Variants in NPR3 observed in about 807,000 individuals in gnomAD.
NPR3 encodes the protein atrial natriuretic peptide receptor 3.
Under a neutral mutation model 54.5 loss-of-function variants are expected in NPR3, and 34 were observed. The observed-to-expected ratio is 0.62, with a 90% CI of 0.47 to 0.83. NPR3 has a LOEUF of 0.83. Ranked by LOEUF, NPR3 falls within the 40% of genes least tolerant of loss-of-function variation. The pLI, the probability that NPR3 is intolerant of heterozygous loss-of-function variation, is 0.00. For missense variants in NPR3, 674 were observed against 720.8 expected, an observed-to-expected ratio of 0.94 and a Z score of 0.74; for synonymous variants, 289 against 297.1, an observed-to-expected ratio of 0.97 and a Z score of 0.28.
At chr5:32,743,286 C>T (rs913369634) in intron 3 of NPR3, among the ~76,000 whole-genome samples, 1 of 152,106 alleles carries the variant, frequency 6.6e-6, no homozygotes, top group Non-Finnish European at 1.5e-5. Flanking sequence ...CCCAGTTTCC[C>T]GCAATGGTAA....
At chr5:32,770,152 C>T (rs1025823338) in intron 3 of NPR3, among the ~76,000 whole-genome samples, 8 of 152,212 alleles carry the variant, frequency 5.3e-5, no homozygotes, top group Non-Finnish European at 1.0e-4. Context: ...AGATGACAGG[C>T]CTGGTACAGT....
intron 1 of NPR3, among the ~76,000 whole-genome samples, chr5:32,700,337 C>T (rs1311644706): frequency 2.6e-5 from 4 of 152,104 alleles, no homozygotes; most frequent in African/African-American, 9.7e-5. Flanking sequence ...CTTGAATTTG[C>T]CCCTCTAAGG....
At chr5:32,692,766 G>A (rs1463805368) in intron 1 of NPR3, among the ~76,000 whole-genome samples, 1 of 152,116 alleles carries the variant, frequency 6.6e-6, no homozygotes, top group Non-Finnish European at 1.5e-5. Context: ...CATAATAAAA[G>A]GGAACACACT....
intron 6 of NPR3, among the ~76,000 whole-genome samples, chr5:32,784,283 G>A (rs1235874596): frequency 6.6e-6 from 1 of 152,110 alleles, no homozygotes; most frequent in African/African-American, 2.4e-5. Context: ...CCACCTTCCA[G>A]GTTCAAGTGA....
chr5:32,763,046 A>G (rs1741260114), intron 3 of NPR3, among the ~76,000 whole-genome samples: 1 of 152,230 alleles, frequency 6.6e-6, no homozygotes, highest in South Asian at 2.1e-4. Context: ...AGTTTTCTGC[A>G]TATGGCTAGC....
intron 4 of NPR3, among the ~76,000 whole-genome samples, chr5:32,777,068 C>T (rs903177746): frequency 2.0e-5 from 3 of 152,070 alleles, no homozygotes; most frequent in African/African-American, 7.2e-5. Flanking sequence ...TGGCTGACAC[C>T]AAGTTTGACA....
At chr5:32,695,927 C>T (rs1740520612) in intron 1 of NPR3, among the ~76,000 whole-genome samples, 1 of 152,092 alleles carries the variant, frequency 6.6e-6, no homozygotes, top group African/African-American at 2.4e-5. Flanking sequence ...TTATTAATCC[C>T]TTGTCAGATG....
rs1382211635 is a variant in NPR3 at position 32,712,217 on chromosome 5, A to C, written c.441A>C (p.Ala147=). The change falls in exon 1 of 8, where the codon GCA becomes GCC. Residue 147 remains alanine (A), a synonymous_variant. Coordinates refer to ENST00000265074, the MANE Select transcript of NPR3 (RefSeq NM_001204375.2). Reference sequence around the variant, plus strand: ...CAGCAGCGCCAGTGGCCCGGCTTGCATCGCACTGGGACCTGCCCATGCTGT... The same window carrying C: ...CAGCAGCGCCAGTGGCCCGGCTTGCCTCGCACTGGGACCTGCCCATGCTGT... ...EYAAAPVARL[A]SHWDLPMLSA... is the part of the protein sequence containing the mutation. 6.2e-7 allele frequency: 1 copy of C among 1,612,758 alleles called. No homozygotes were observed. The highest frequency in any genetic ancestry group is 8.5e-7 in the Non-Finnish European group (1 of 1,179,650).
intron 2 of NPR3, among the ~76,000 whole-genome samples, chr5:32,731,262 A>G (rs1027101801): frequency 1.3e-5 from 2 of 152,204 alleles, no homozygotes; most frequent in African/African-American, 4.8e-5. Flanking sequence ...ACAACTTACA[A>G]AGTATACTTG....
At chr5:32,777,259 A>T (rs1190345046) in intron 4 of NPR3, among the ~76,000 whole-genome samples, 2 of 152,212 alleles carry the variant, frequency 1.3e-5, no homozygotes, top group Non-Finnish European at 2.9e-5. Flanking sequence ...TGGAAAATAA[A>T]CTATATATGC....
intron 1 of NPR3, among the ~76,000 whole-genome samples, chr5:32,714,006 G>A (rs1319526704): frequency 2.0e-5 from 3 of 152,182 alleles, no homozygotes; most frequent in African/African-American, 4.8e-5. Context: ...CCACGCCTCG[G>A]CAAGGAACCC....
At position 32,791,078 on chromosome 5, in the gene NPR3, T is replaced by TA. The variant is rs1742883648; in HGVS notation, c.*4739dup. 3 of 167,064 alleles carry TA rather than the reference T, an allele frequency of 1.8e-5. No homozygotes were observed. The highest frequency in any genetic ancestry group is 7.2e-5 in the African/African-American group (3 of 41,446). The allele number at this position is 167,064 out of a possible 1,614,324, so 10.3% of individuals were successfully genotyped here. A position where few individuals can be genotyped will look rare whatever the true frequency, so the allele number is the denominator to read the frequency against. ...TGCATGATAGTTGGACAGAGATGGC[T>TA]AAAAAAGAGGCAAATTCAGATTTGG... On this transcript the variant is annotated 3_prime_UTR_variant, in exon 8 of 8. Transcript: ENST00000265074.
intron 3 of NPR3, among the ~76,000 whole-genome samples, chr5:32,756,174 T>TAAA (rs1740828518): frequency 6.6e-6 from 1 of 152,220 alleles, no homozygotes; most frequent in Non-Finnish European, 1.5e-5. Flanking sequence ...GAGGAATCAC[T>TAAA]AAACTGTCTT....
intron 1 of NPR3, among the ~76,000 whole-genome samples, chr5:32,695,435 A>AT (rs1303982676): frequency 6.6e-6 from 1 of 151,738 alleles, no homozygotes; most frequent in African/African-American, 2.4e-5. Flanking sequence ...CGCCCGGCTA[A>AT]TTTTTTGTAC....
At chr5:32,757,695 G>T (rs1740921572) in intron 3 of NPR3, among the ~76,000 whole-genome samples, 1 of 152,170 alleles carries the variant, frequency 6.6e-6, no homozygotes, top group Non-Finnish European at 1.5e-5. Context: ...GAAAGGGAAT[G>T]CTTCCAGTTT....
intron 1 of NPR3, among the ~76,000 whole-genome samples, chr5:32,715,518 T>C (rs945851656): frequency 6.6e-6 from 1 of 152,182 alleles, no homozygotes; most frequent in Non-Finnish European, 1.5e-5. Flanking sequence ...ATTTACCATC[T>C]AAGTCAATAA....
intron 5 of NPR3, 59 bp from the exon 6 acceptor site, chr5:32,782,834 C>T (rs138394877): frequency 0.012 from 18,390 of 1,501,912 alleles, 130 homozygotes; most frequent in Non-Finnish European, 0.014. Flanking sequence ...TGGAAGGCTG[C>T]GAGCTTTGTG....
chr5:32,764,655 G>T (rs1005844277), intron 3 of NPR3, among the ~76,000 whole-genome samples: 36 of 151,816 alleles, frequency 2.4e-4, no homozygotes, highest in African/African-American at 8.2e-4. Flanking sequence ...GGGCGTGGTG[G>T]CGGGTGCCTG....
At chr5:32,703,272 C>T (rs916232625) in intron 1 of NPR3, among the ~76,000 whole-genome samples, 1 of 152,150 alleles carries the variant, frequency 6.6e-6, no homozygotes, top group Non-Finnish European at 1.5e-5. Flanking sequence ...CTAATGGCAT[C>T]TTGGGGTCTC....
Sources: allele counts gnomAD v4.1 joint callset (sites outside exome capture counted in the v4.1 genomes callset), GRCh38; gene constraint gnomAD v4.1.1; transcripts MANE v1.5; gene names NCBI Gene and HGNC (gene_info 2026-07-23, HGNC 2026-07-21).